Variants in BECN1 observed in about 807,000 individuals in gnomAD.
The protein encoded by BECN1 is beclin 1.
BECN1 carries 15 observed loss-of-function variants against 60.1 expected under a neutral mutation model. That is an observed-to-expected ratio of 0.25 (90% CI 0.17 to 0.38). The LOEUF is 0.38. BECN1 is among the 10% of genes least tolerant of loss of function. BECN1 has a pLI of 1.00. For synonymous variants in BECN1, 179 were observed against 201.8 expected (o/e 0.89, Z 0.96); for missense variants, 424 against 548.2 (o/e 0.77, Z 2.26).
intron 1 of BECN1, 86 bp downstream of exon 1, chr17:42,824,069 A>G: frequency 1.5e-6 from 1 of 662,870 alleles, no homozygotes; most frequent in East Asian, 2.9e-5. Context: ...TTTAGAGCCC[A>G]GGGTCAGGGA....
intron 10 of BECN1, 196 bp downstream of exon 10, chr17:42,813,752 A>G (rs538937197): frequency 1.5e-5 from 7 of 458,114 alleles, no homozygotes; most frequent in East Asian, 1.5e-4. Context: ...CCTTCTCAAC[A>G]GACTGTCAAA....
chr17:42,821,589 T>C (rs1217538715), intron 2 of BECN1, among the ~76,000 whole-genome samples: 1 of 152,138 alleles, frequency 6.6e-6, no homozygotes, highest in Non-Finnish European at 1.5e-5. Context: ...TCCCCCAGAA[T>C]AGCAAGGAGG....
At chr17:42,821,596 G>A (rs1203355182) in intron 2 of BECN1, among the ~76,000 whole-genome samples, 1 of 152,160 alleles carries the variant, frequency 6.6e-6, no homozygotes, top group Non-Finnish European at 1.5e-5. Flanking sequence ...GAATAGCAAG[G>A]AGGGAACATA....
At chr17:42,817,264 C>T (rs2055165614) in intron 7 of BECN1, among the ~76,000 whole-genome samples, 1 of 151,032 alleles carries the variant, frequency 6.6e-6, no homozygotes, top group African/African-American at 2.4e-5. Context: ...CACTGCACTC[C>T]AGCCTGGATG....
In BECN1 at chr17:42,818,258, G is replaced by T; in HGVS notation, c.646C>A (p.Gln216Lys). 6.2e-7 allele frequency: 1 copy of T among 1,614,170 alleles called. No homozygotes were observed. The highest frequency in any genetic ancestry group is 8.5e-7 in the Non-Finnish European group (1 of 1,180,024). Residue 216 changes from glutamine (Q) to lysine (K), a missense_variant, in exon 7 of 12, where the codon CAG (glutamine) becomes AAG (lysine). This residue lies in a region of BECN1 where 326 missense variants were observed against 406.2 expected (regional missense o/e 0.80). Transcript: ENST00000590099. Reference protein sequence around the residue: ...KIVAENLEKVQAEAERLDQEE... With the variant: ...KIVAENLEKVKAEAERLDQEE... Reference sequence around the variant, plus strand: ...TGATCCAGTCTCTCAGCCTCAGCCTGGACCTTCTCGAGATTTTCTGCCACT... The same window carrying T: ...TGATCCAGTCTCTCAGCCTCAGCCTTGACCTTCTCGAGATTTTCTGCCACT...
chr17:42,811,848 C>T, intron 10 of BECN1, 51 bp from the exon 11 acceptor site: 1 of 1,584,896 alleles, frequency 6.3e-7, no homozygotes. Context: ...GAAAGGCTTC[C>T]AGAGATTGTT....
intron 10 of BECN1, 118 bp downstream of exon 10, chr17:42,813,829 TG>T: frequency 1.4e-6 from 1 of 694,224 alleles, no homozygotes; most frequent in Non-Finnish European, 2.4e-6. Flanking sequence ...AACAATATAC[TG>T]GCTCTTCATA....
In BECN1 at chr17:42,818,608, C is replaced by G; in HGVS notation, c.424G>C (p.Asp142His). 6.2e-7 allele frequency: 1 copy of G among 1,614,188 alleles called. No individual in the cohort carries two copies. Among genetic ancestry groups the G allele is most frequent in the Non-Finnish European group, 8.5e-7 (1 of 1,180,040 alleles). Residue 142 changes from aspartate to histidine, a missense_variant, in exon 6 of 12, where the codon GAT (aspartate) becomes CAT (histidine). Physicochemically the swap from Asp to His is moderately conservative, Grantham distance 81. Coordinates refer to ENST00000590099, the MANE Select transcript of BECN1 (RefSeq NM_001313998.2). ...VDHPLCEECT[D>H]TLLDQLDTQL... ...GTGTCCAGCTGGTCTAAAAGAGTAT[C>G]TGTGCATTCCTCACAGAGTGGGTGA...
At chr17:42,813,292 T>C (rs2055072478) in intron 10 of BECN1, among the ~76,000 whole-genome samples, 3 of 151,864 alleles carry the variant, frequency 2.0e-5, no homozygotes, top group Admixed American at 2.0e-4. Flanking sequence ...CCTAGAACTT[T>C]GGGAGGCTGA....
intron 10 of BECN1, 139 bp downstream of exon 10, chr17:42,813,809 C>A (rs75896223): frequency 2.0e-5 from 12 of 599,410 alleles, no homozygotes; most frequent in Middle Eastern, 4.3e-4. Flanking sequence ...CTGAACTAGA[C>A]AAGATATTGA....
chr17:42,817,738 G>A (rs1373448627), intron 7 of BECN1, among the ~76,000 whole-genome samples: 1 of 151,984 alleles, frequency 6.6e-6, no homozygotes. Flanking sequence ...TGTAGAGATG[G>A]GGTCTCACTT....
At position 42,815,921 on chromosome 17, in the gene BECN1, T is replaced by G; in HGVS notation, c.817A>C (p.Thr273Pro). The G allele has an allele frequency of 6.2e-7, 1 of 1,614,204 alleles. No individual in the cohort carries two copies. Among genetic ancestry groups the G allele is most frequent in the Non-Finnish European group, 8.5e-7 (1 of 1,180,030 alleles). The change falls in exon 8 of 12, where the codon ACC becomes CCC. Residue 273 changes from threonine (T) to proline (P), a missense_variant. Coordinates refer to ENST00000590099, the MANE Select transcript of BECN1 (RefSeq NM_001313998.2). ...KLKKTNVFNA[T>P]FHIWHSGQFG... ...AGCTCTCATTACCAGATGTGGAAGGTTGCATTAAAGACGTTGGTTTTCTTC... is the reference window on the plus strand; with the variant it reads ...AGCTCTCATTACCAGATGTGGAAGGGTGCATTAAAGACGTTGGTTTTCTTC...
Position 42,815,919 on chromosome 17 carries a change from G to A in BECN1, c.819C>T (p.Thr273=). 6.2e-7 allele frequency: 1 copy of A among 1,614,238 alleles called. No homozygotes were observed. Residue 273 remains threonine, a synonymous_variant, in exon 8 of 12, where the codon ACC becomes ACT. Coordinates refer to ENST00000590099, the MANE Select transcript of BECN1 (RefSeq NM_001313998.2). The stretch of plus-strand genomic sequence containing the variant: ...CTAGCTCTCATTACCAGATGTGGAA[G>A]GTTGCATTAAAGACGTTGGTTTTCT... The part of the protein sequence containing the change: ...KLKKTNVFNA[T]FHIWHSGQFG...
At position 42,814,640 on chromosome 17, in the gene BECN1, G is replaced by T; in HGVS notation, c.864C>A (p.Phe288Leu). 1 of 1,614,170 alleles carries T rather than the reference G, an allele frequency of 6.2e-7. No homozygotes were observed. The highest frequency in any genetic ancestry group is 8.5e-7 in the Non-Finnish European group (1 of 1,180,030). Reference protein sequence around the residue: ...HSGQFGTINNFRLGRLPSVPV... With the variant: ...HSGQFGTINNLRLGRLPSVPV... ...GAACACTGGGCAGGCGACCCAGCCT[G>T]AAGTTATTGATTGTGCCAAACTGTC... Residue 288 changes from phenylalanine to leucine, a missense_variant, in exon 9 of 12, where the codon TTC (phenylalanine) becomes TTA (leucine). Phe to Leu is a conservative substitution (Grantham distance 22). Coordinates refer to ENST00000590099, the MANE Select transcript of BECN1 (RefSeq NM_001313998.2).
chr17:42,816,378 G>A (rs1016682042), intron 7 of BECN1, among the ~76,000 whole-genome samples: 1 of 152,188 alleles, frequency 6.6e-6, no homozygotes, highest in Non-Finnish European at 1.5e-5. Flanking sequence ...GGGGCCAGGC[G>A]TGGTGGCTCA....
intron 7 of BECN1, among the ~76,000 whole-genome samples, chr17:42,818,003 C>T (rs866828451): frequency 3.3e-5 from 5 of 152,260 alleles, no homozygotes; most frequent in Middle Eastern, 6.8e-3. Flanking sequence ...ACTATTTAAC[C>T]AACATACTTT....
chr17:42,818,158 C>A, intron 7 of BECN1, 63 bp downstream of exon 7: 2 of 1,549,852 alleles, frequency 1.3e-6, no homozygotes, highest in Non-Finnish European at 8.8e-7. Context: ...ACACATTCAG[C>A]TGGAAGCCAT....
At chr17:42,821,856 C>T (rs1012791001) in intron 2 of BECN1, among the ~76,000 whole-genome samples, 4 of 152,268 alleles carry the variant, frequency 2.6e-5, no homozygotes, top group Non-Finnish European at 5.9e-5. Flanking sequence ...GCAGGCTATG[C>T]TATTCTCTTG....
chr17:42,818,231 C>T lies in BECN1; in HGVS notation c.673G>A (p.Glu225Lys), dbSNP rs878915430. 4 of 1,614,082 alleles carry T rather than the reference C, an allele frequency of 2.5e-6. No individual in the cohort carries two copies. The South Asian group carries it at 4.4e-5, about 18-fold the overall frequency. ...VQAEAERLDQ[E>K]EAQYQREYSE... ...AGGGTGAGCACTCACTGAGCTTCCTCCTGATCCAGTCTCTCAGCCTCAGCC... is the reference window on the plus strand; with the variant it reads ...AGGGTGAGCACTCACTGAGCTTCCTTCTGATCCAGTCTCTCAGCCTCAGCC... The change falls in exon 7 of 12, where the codon GAG (glutamate) becomes AAG (lysine). Residue 225 changes from glutamate to lysine, a missense_variant. By Grantham distance (56) the Glu-to-Lys change is moderately conservative (BLOSUM62 1). This residue lies in a region of BECN1 where 326 missense variants were observed against 406.2 expected (regional missense o/e 0.80). Transcript: ENST00000590099.
Sources: allele counts gnomAD v4.1 joint callset (sites outside exome capture counted in the v4.1 genomes callset), GRCh38; gene constraint gnomAD v4.1.1; regional missense constraint gnomAD v4.1.1; transcripts MANE v1.5; gene names NCBI Gene and HGNC (gene_info 2026-07-23, HGNC 2026-07-21).